FAM184B: variants seen among roughly 807,000 people sequenced by gnomAD.
FAM184B encodes the protein family with sequence similarity 184 member B.
A neutral mutation model predicts 135.9 loss-of-function variants in FAM184B; 111 were observed. The observed-to-expected ratio is 0.82, with a 90% confidence interval of 0.70 to 0.96. The LOEUF (loss-of-function observed/expected upper bound fraction) is 0.96, where lower values mean the gene tolerates loss of function less well. Among genes scored for constraint, FAM184B ranks in the 40% least tolerant of loss-of-function variants. FAM184B has a pLI of 0.00. For synonymous variants in FAM184B, 552 were observed against 524.8 expected (o/e 1.05, Z -0.71); for missense variants, 1,375 against 1,323.9 (o/e 1.04, Z -0.60).
chr4:17,729,071 G>A (rs1004259257), intron 1 of FAM184B, among the ~76,000 whole-genome samples: 6 of 152,168 alleles, frequency 3.9e-5, no homozygotes, highest in African/African-American at 1.4e-4. Context: ...TTTCCAACAG[G>A]CTTAAAAAAC....
intron 11 of FAM184B, among the ~76,000 whole-genome samples, chr4:17,649,151 C>T (rs1195650375): frequency 6.6e-6 from 1 of 152,076 alleles, no homozygotes; most frequent in African/African-American, 2.4e-5. Flanking sequence ...GTAAAATAAA[C>T]AAATGATCTT....
At chr4:17,704,288 C>T (rs897496004) in intron 5 of FAM184B, among the ~76,000 whole-genome samples, 1 of 152,184 alleles carries the variant, frequency 6.6e-6, no homozygotes, top group Non-Finnish European at 1.5e-5. Context: ...CTTACTTATT[C>T]CAGCAAACAC....
intron 1 of FAM184B, among the ~76,000 whole-genome samples, chr4:17,758,898 C>A (rs1390026711): frequency 2.6e-5 from 4 of 151,674 alleles, no homozygotes; most frequent in Non-Finnish European, 5.9e-5. Context: ...GTAAGCTTAA[C>A]ACAAATGGGA....
intron 7 of FAM184B, among the ~76,000 whole-genome samples, chr4:17,677,848 G>A (rs559253978): frequency 4.6e-5 from 7 of 152,240 alleles, no homozygotes; most frequent in Non-Finnish European, 4.4e-5. Context: ...TCATACCAGG[G>A]ATGCGGGGAT....
At chr4:17,728,763 T>G (rs1717700046) in intron 1 of FAM184B, among the ~76,000 whole-genome samples, 2 of 152,208 alleles carry the variant, frequency 1.3e-5, no homozygotes, top group South Asian at 4.2e-4. Flanking sequence ...TAAAAAAAAT[T>G]TCTGAGAGCC....
At position 17,652,940 on chromosome 4, in the gene FAM184B, T is replaced by C; in HGVS notation, c.2081A>G (p.Gln694Arg). ...RLKKESSHSLQIQHQTHRLEL... is the reference protein window; with the variant it reads ...RLKKESSHSLRIQHQTHRLEL... ...CAGTCGGTGTGTCTGGTGTTGGATCTGGAGGCTGTGGCTGGATTCCTTCTT... is the reference window on the plus strand; with the variant it reads ...CAGTCGGTGTGTCTGGTGTTGGATCCGGAGGCTGTGGCTGGATTCCTTCTT... The change falls in exon 11 of 18, where the codon CAG becomes CGG. Residue 694 changes from glutamine (Q) to arginine (R), a missense_variant. Physicochemically the swap from Gln to Arg is conservative, Grantham distance 43. Transcript: ENST00000265018. 1 of 1,551,740 alleles carries C rather than the reference T, an allele frequency of 6.4e-7. No individual in the cohort carries two copies. Among genetic ancestry groups the C allele is most frequent in the Non-Finnish European group, 8.7e-7 (1 of 1,146,992 alleles).
At chr4:17,653,472 C>T (rs1335871930) in intron 10 of FAM184B, among the ~76,000 whole-genome samples, 3 of 152,130 alleles carry the variant, frequency 2.0e-5, no homozygotes, top group South Asian at 2.1e-4. Context: ...CTTTTCAGTC[C>T]ATGCTCTTGT....
intron 1 of FAM184B, among the ~76,000 whole-genome samples, chr4:17,740,224 C>T (rs778466267): frequency 2.0e-5 from 3 of 151,710 alleles, no homozygotes; most frequent in African/African-American, 4.8e-5. Context: ...TGGTAGCGGG[C>T]GCCTGTAATT....
chr4:17,734,353 C>T (rs1291123121), intron 1 of FAM184B, among the ~76,000 whole-genome samples: 1 of 152,098 alleles, frequency 6.6e-6, no homozygotes, highest in African/African-American at 2.4e-5. Flanking sequence ...AACTAAAGAG[C>T]TTCTGCACAG....
intron 12 of FAM184B, among the ~76,000 whole-genome samples, chr4:17,644,715 A>G (rs779284202): frequency 1.3e-5 from 2 of 152,238 alleles, no homozygotes; most frequent in African/African-American, 4.8e-5. Context: ...CCTATTCAAC[A>G]TAGTGTTGGA....
chr4:17,660,232 C>G (rs1434887905), intron 8 of FAM184B, 145 bp from the exon 9 acceptor site: 4 of 919,430 alleles, frequency 4.4e-6, no homozygotes, highest in East Asian at 5.3e-5. Flanking sequence ...GCTTGGCTTT[C>G]AAAAAGCAAC....
In FAM184B at chr4:17,641,996, G is replaced by T. The variant is rs1458600335; in HGVS notation, c.2519+60C>A. 5.4e-6 allele frequency: 8 copies of T among 1,474,174 alleles called. No individual in the cohort carries two copies. The South Asian group carries it at 8.0e-5, about 15-fold the overall frequency. The allele number at this position is 1,474,174 out of a possible 1,614,324, so 91.3% of individuals were successfully genotyped here. ...GCTCAGCCAGCCGCAGTAGGGGGAG[G>T]GGGGGTGGCGGGGTAGGGGGTGAGG... On this transcript the variant is annotated intron_variant, in intron 13 of 17. Coordinates refer to ENST00000265018, the MANE Select transcript of FAM184B (RefSeq NM_015688.2).
At chr4:17,717,905 C>A (rs1200853372) in intron 1 of FAM184B, among the ~76,000 whole-genome samples, 1 of 152,108 alleles carries the variant, frequency 6.6e-6, no homozygotes, top group African/African-American at 2.4e-5. Flanking sequence ...CAAATGTAAT[C>A]GTGGTAATCG....
At chr4:17,689,529 T>C (rs1320113993) in intron 6 of FAM184B, among the ~76,000 whole-genome samples, 1 of 152,112 alleles carries the variant, frequency 6.6e-6, no homozygotes, top group Admixed American at 6.5e-5. Context: ...GGGAGATAGA[T>C]AAATGTTTAT....
At chr4:17,663,159 A>C (rs576533668) in intron 8 of FAM184B, among the ~76,000 whole-genome samples, 55 of 151,994 alleles carry the variant, frequency 3.6e-4, no homozygotes, top group Admixed American at 3.1e-3. Flanking sequence ...CTGGTCTTGA[A>C]CTCTTGGGCT....
chr4:17,653,930 G>GAGAGAGAGAGAGAGA (rs1402544369), intron 10 of FAM184B, among the ~76,000 whole-genome samples: 1 of 135,880 alleles, frequency 7.4e-6, no homozygotes, highest in African/African-American at 2.7e-5. Flanking sequence ...GGGAGGGGGA[G>GAGAGAGAGAGAGAGA]GGGGATTTGA....
At chr4:17,684,206 AAT>A (rs970513798) in intron 7 of FAM184B, among the ~76,000 whole-genome samples, 6 of 132,048 alleles carry the variant, frequency 4.5e-5, no homozygotes, top group African/African-American at 1.5e-4. Context: ...TTATATAAAA[AAT>A]AATAATATAA....
At chr4:17,775,607 A>T (rs1718910507) in intron 1 of FAM184B, among the ~76,000 whole-genome samples, 1 of 152,192 alleles carries the variant, frequency 6.6e-6, no homozygotes, top group African/African-American at 2.4e-5. Context: ...TGACCCAATC[A>T]TCTCTTGTAG....
chr4:17,679,061 A>C lies in FAM184B; in HGVS notation c.1596+9363T>G, dbSNP rs530726709. ...GTTCAAAGACTTAAATCTAAGACCC[A>C]AAACCATAAAAATTCTAGAAGATAA... On this transcript the variant is annotated intron_variant, in intron 7 of 17. Coordinates refer to ENST00000265018, the MANE Select transcript of FAM184B (RefSeq NM_015688.2). Among the ~76,000 whole-genome samples the C allele has an allele frequency of 2.2e-4, 33 of 152,344 alleles. No individual in the cohort carries two copies. In the South Asian group the frequency reaches 4.8e-3, roughly 22 times the overall value.
Sources: allele counts gnomAD v4.1 joint callset (sites outside exome capture counted in the v4.1 genomes callset), GRCh38; gene constraint gnomAD v4.1.1; transcripts MANE v1.5; gene names NCBI Gene and HGNC (gene_info 2026-07-23, HGNC 2026-07-21).